The following SUGCT variants were observed in gnomAD, a reference collection of about 807,000 sequenced individuals.
SUGCT encodes succinyl-CoA:glutarate CoA-transferase.
Under a neutral mutation model 55.0 loss-of-function variants are expected in SUGCT, and 41 were observed. The ratio of observed to expected loss-of-function variants is 0.74; its 90% confidence interval spans 0.58 to 0.97. The LOEUF (loss-of-function observed/expected upper bound fraction) is 0.97, where lower values mean the gene tolerates loss of function less well. Ranked by LOEUF, SUGCT falls within the 50% of genes least tolerant of loss-of-function variation. SUGCT has a pLI of 0.00. For missense variants in SUGCT, 568 were observed against 547.8 expected, an observed-to-expected ratio of 1.04 and a Z score of -0.37; for synonymous variants, 187 against 200.4, an observed-to-expected ratio of 0.93 and a Z score of 0.56.
At chr7:40,232,908 T>C (rs1258257398) in intron 6 of SUGCT, among the ~76,000 whole-genome samples, 2 of 152,184 alleles carry the variant, frequency 1.3e-5, no homozygotes. Context: ...TTAATTTAGA[T>C]TTTAATCATA....
the SUGCT span, among the ~76,000 whole-genome samples, chr7:40,931,565 G>A: frequency 6.6e-6 from 1 of 152,018 alleles, no homozygotes; most frequent in African/African-American, 2.4e-5. Flanking sequence ...ACTTTTTTTG[G>A]TTGATAGGCT....
chr7:40,535,184 A>G (rs865972677), intron 12 of SUGCT, among the ~76,000 whole-genome samples: 1 of 151,978 alleles, frequency 6.6e-6, no homozygotes, highest in Non-Finnish European at 1.5e-5. Context: ...TTTAGATTCC[A>G]TGGGTACATG....
At chr7:40,417,004 T>C (rs1315722235) in intron 9 of SUGCT, among the ~76,000 whole-genome samples, 4 of 152,128 alleles carry the variant, frequency 2.6e-5, no homozygotes, top group Admixed American at 2.6e-4. Flanking sequence ...TAGAGAATTA[T>C]CCACTAATGC....
chr7:40,711,556 A>G (rs1009140412), intron 12 of SUGCT, among the ~76,000 whole-genome samples: 3 of 152,144 alleles, frequency 2.0e-5, no homozygotes, highest in Non-Finnish European at 4.4e-5. Context: ...GTGAAATTTG[A>G]TAATGGAGAC....
intron 12 of SUGCT, among the ~76,000 whole-genome samples, chr7:40,620,562 C>T (rs1799217075): frequency 6.6e-6 from 1 of 152,020 alleles, no homozygotes; most frequent in African/African-American, 2.4e-5. Context: ...GCCACCGTGC[C>T]CAGCTAATGT....
At chr7:40,944,608 T>C in the SUGCT span, among the ~76,000 whole-genome samples, 9 of 152,186 alleles carry the variant, frequency 5.9e-5, no homozygotes, top group Admixed American at 5.9e-4. Context: ...CGGTGTTATT[T>C]CTGAGGGCTC....
At chr7:40,450,729 G>T (rs1789143385) in intron 10 of SUGCT, among the ~76,000 whole-genome samples, 1 of 151,734 alleles carries the variant, frequency 6.6e-6, no homozygotes, top group Admixed American at 6.6e-5. Flanking sequence ...AGCCGAGATT[G>T]CGCCACTGCA....
At chr7:40,644,014 G>A (rs965309710) in intron 12 of SUGCT, among the ~76,000 whole-genome samples, 2 of 152,134 alleles carry the variant, frequency 1.3e-5, no homozygotes, top group Admixed American at 1.3e-4. Context: ...GTTTGGGATG[G>A]GTGCGGGAAG....
intron 6 of SUGCT, among the ~76,000 whole-genome samples, chr7:40,226,092 G>A (rs533786120): frequency 6.9e-4 from 105 of 152,176 alleles, no homozygotes; most frequent in African/African-American, 2.2e-3. Flanking sequence ...TTGGCTAGCA[G>A]GTATATTGGG....
chr7:40,682,190 T>A (rs990096112), intron 12 of SUGCT, among the ~76,000 whole-genome samples: 3 of 152,110 alleles, frequency 2.0e-5, no homozygotes, highest in African/African-American at 7.2e-5. Context: ...AAAAGAGGGG[T>A]CCCTGCTCCA....
chr7:40,500,110 A>G (rs1296568145), intron 12 of SUGCT, among the ~76,000 whole-genome samples: 2 of 152,182 alleles, frequency 1.3e-5, no homozygotes, highest in African/African-American at 4.8e-5. Flanking sequence ...AAGACTTTTT[A>G]CTTGGTGATT....
intron 8 of SUGCT, among the ~76,000 whole-genome samples, chr7:40,291,875 A>C: frequency 6.6e-6 from 1 of 152,128 alleles, no homozygotes; most frequent in East Asian, 1.9e-4. Flanking sequence ...CATCTAACAT[A>C]TGCACTCAGC....
At chr7:40,443,517 T>C (rs1379767564) in intron 9 of SUGCT, among the ~76,000 whole-genome samples, 2 of 152,224 alleles carry the variant, frequency 1.3e-5, no homozygotes, top group African/African-American at 4.8e-5. Context: ...TGCATAAATA[T>C]CTTCTTTTGA....
chr7:40,888,097 C>G, the SUGCT span, among the ~76,000 whole-genome samples: 22 of 152,286 alleles, frequency 1.4e-4, no homozygotes, highest in Middle Eastern at 6.8e-3. Context: ...CCATAGGCAT[C>G]CATGCCCTCA....
chr7:40,779,443 T>C (rs1789623141), intron 13 of SUGCT, among the ~76,000 whole-genome samples: 1 of 152,196 alleles, frequency 6.6e-6, no homozygotes, highest in African/African-American at 2.4e-5. Flanking sequence ...GAAACACTTT[T>C]GTCTCCTACT....
intron 6 of SUGCT, among the ~76,000 whole-genome samples, chr7:40,231,698 G>A (rs1293485971): frequency 6.6e-6 from 1 of 152,222 alleles, no homozygotes; most frequent in Non-Finnish European, 1.5e-5. Flanking sequence ...ACCAAGCCAT[G>A]TGGGGCCCTC....
At chr7:40,717,440 C>T (rs1360948725) in intron 12 of SUGCT, among the ~76,000 whole-genome samples, 2 of 152,314 alleles carry the variant, frequency 1.3e-5, no homozygotes, top group East Asian at 1.9e-4. Context: ...GTGAACTCCC[C>T]GTGGCCCCAC....
intron 13 of SUGCT, among the ~76,000 whole-genome samples, chr7:40,765,441 A>G (rs1473608342): frequency 6.6e-6 from 1 of 150,714 alleles, no homozygotes. Context: ...CCTGATACAA[A>G]TGCTTTCAGG....
intron 7 of SUGCT, among the ~76,000 whole-genome samples, chr7:40,249,349 T>G: frequency 1.3e-5 from 1 of 75,816 alleles, no homozygotes; most frequent in East Asian, 3.7e-4. Context: ...ATATATATAA[T>G]TATATTATAT....
Sources: gnomAD v4.1 joint callset for allele counts (sites outside exome capture counted in the v4.1 genomes callset) on GRCh38, gnomAD v4.1.1 for gene constraint, MANE v1.5 for transcripts, NCBI Gene and HGNC (gene_info 2026-07-23, HGNC 2026-07-21) for gene names.